The following LRRC49 variants were observed in gnomAD, a reference collection of about 807,000 sequenced individuals.
LRRC49 encodes leucine rich repeat containing 49, also known as leucine-rich repeat-containing protein 49.
LRRC49 carries 50 observed loss-of-function variants against 83.3 expected under a neutral mutation model. That is an observed-to-expected ratio of 0.60 (90% CI 0.48 to 0.76). LRRC49 has a LOEUF of 0.76. Ranked by LOEUF, LRRC49 falls within the 30% of genes least tolerant of loss-of-function variation. The pLI is 0.00. For synonymous variants in LRRC49, 286 were observed against 283.3 expected (o/e 1.01, Z -0.10); for missense variants, 704 against 809.1 (o/e 0.87, Z 1.58).
At position 71,052,624 on chromosome 15, in the gene LRRC49, A is replaced by C. The variant is rs1016272306; in HGVS notation, c.*3012A>C. The C allele has an allele frequency of 6.6e-6, 1 of 152,212 alleles. No individual in the cohort carries two copies. The highest frequency in any genetic ancestry group is 1.5e-5 in the Non-Finnish European group (1 of 68,036). The allele number at this position is 152,212 out of a possible 1,614,324, so 9.4% of individuals were successfully genotyped here. A position where few individuals can be genotyped will look rare whatever the true frequency, so the allele number is the denominator to read the frequency against. Reference sequence around the variant, plus strand: ...CTCTTCAATGAGTAATCATCATAACAACAAAGATTCATTGAGCAATGTCTT... The same window carrying C: ...CTCTTCAATGAGTAATCATCATAACCACAAAGATTCATTGAGCAATGTCTT... On this transcript the variant is annotated 3_prime_UTR_variant, in exon 16 of 16. Coordinates refer to ENST00000260382, the MANE Select transcript of LRRC49 (RefSeq NM_017691.5).
intron 11 of LRRC49, among the ~76,000 whole-genome samples, chr15:70,997,837 C>T (rs1410768830): frequency 6.6e-6 from 1 of 152,216 alleles, no homozygotes; most frequent in Non-Finnish European, 1.5e-5. Context: ...GGACACACAT[C>T]TACCATTTTG....
intron 1 of LRRC49, among the ~76,000 whole-genome samples, chr15:70,868,714 C>A (rs948109779): frequency 6.6e-6 from 1 of 152,166 alleles, no homozygotes; most frequent in African/African-American, 2.4e-5. Context: ...TGGGTCACCC[C>A]AAATGTGGAA....
chr15:70,959,687 A>C (rs2036539405), intron 8 of LRRC49, among the ~76,000 whole-genome samples: 1 of 152,090 alleles, frequency 6.6e-6, no homozygotes, highest in Admixed American at 6.5e-5. Flanking sequence ...GGCCAGAAAG[A>C]AAGAAAATCC....
chr15:70,929,886 A>T (rs1419289162), intron 7 of LRRC49, among the ~76,000 whole-genome samples: 1 of 152,200 alleles, frequency 6.6e-6, no homozygotes. Flanking sequence ...TCACATCTTT[A>T]GGCTCCACTT....
chr15:70,857,594 A>G (rs2032683990), intron 1 of LRRC49, among the ~76,000 whole-genome samples: 1 of 152,192 alleles, frequency 6.6e-6, no homozygotes, highest in South Asian at 2.1e-4. Context: ...AAATACCAGG[A>G]CCTGTGCTAT....
intron 9 of LRRC49, among the ~76,000 whole-genome samples, chr15:70,972,188 A>T (rs556702326): frequency 9.3e-4 from 141 of 152,294 alleles, no homozygotes; most frequent in African/African-American, 3.3e-3. Context: ...GGTGGTGACA[A>T]AATACCTCAG....
At chr15:70,854,007 C>G (rs1272889214) in intron 1 of LRRC49, 1 of 1,459,426 alleles carries the variant, frequency 6.9e-7, no homozygotes, top group Admixed American at 2.4e-5. Flanking sequence ...AACTCGTCCA[C>G]GTCCTCGGCC....
At chr15:70,936,966 G>A in intron 8 of LRRC49, 144 bp downstream of exon 8, 2 of 594,414 alleles carry the variant, frequency 3.4e-6, no homozygotes, top group South Asian at 2.4e-5. Context: ...AGTTCTTTGT[G>A]GAAAAGCAAA....
At chr15:70,892,468 C>T (rs1365216571), upstream of LRRC49, 6 of 1,526,138 alleles carry the variant, frequency 3.9e-6, no homozygotes, top group East Asian at 9.9e-5. Flanking sequence ...TGATATCTTC[C>T]TCCTCCTCCT....
intron 2 of LRRC49, chr15:70,882,769 C>A: frequency 6.2e-7 from 1 of 1,614,114 alleles, no homozygotes; most frequent in Non-Finnish European, 8.5e-7. Context: ...ACCCACACTA[C>A]GGTGACGGGG....
intron 9 of LRRC49, among the ~76,000 whole-genome samples, chr15:70,969,450 G>A (rs1223350807): frequency 6.6e-6 from 1 of 152,142 alleles, no homozygotes; most frequent in Non-Finnish European, 1.5e-5. Flanking sequence ...TCTTAGGATT[G>A]TCTTGGCTAT....
intron 6 of LRRC49, 146 bp downstream of exon 6, chr15:70,911,744 T>C (rs564633536): frequency 1.8e-5 from 10 of 557,336 alleles, no homozygotes; most frequent in African/African-American, 1.7e-4. Context: ...AGCTTATTTA[T>C]AGAAGATTTG....
chr15:71,015,989 A>G (rs994668552), intron 14 of LRRC49, among the ~76,000 whole-genome samples: 1 of 152,180 alleles, frequency 6.6e-6, no homozygotes. Flanking sequence ...CAGAAAATAA[A>G]AATATAAGGT....
chr15:70,989,670 G>C (rs572526297), intron 11 of LRRC49, among the ~76,000 whole-genome samples: 7 of 152,300 alleles, frequency 4.6e-5, no homozygotes, highest in African/African-American at 1.7e-4. Context: ...TCCATTGCTG[G>C]TGAGGAGCTG....
intron 11 of LRRC49, among the ~76,000 whole-genome samples, chr15:70,993,471 C>A (rs1306429428): frequency 6.6e-6 from 1 of 152,222 alleles, no homozygotes; most frequent in Non-Finnish European, 1.5e-5. Flanking sequence ...CTTCTGCACT[C>A]ACGCTGGGAG....
chr15:70,934,753 T>A (rs936176207), intron 7 of LRRC49, among the ~76,000 whole-genome samples: 1 of 152,206 alleles, frequency 6.6e-6, no homozygotes, highest in Non-Finnish European at 1.5e-5. Flanking sequence ...TTAAATGAGA[T>A]GCCTTGATTC....
intron 1 of LRRC49, among the ~76,000 whole-genome samples, chr15:70,869,243 G>A (rs145638075): frequency 1.2e-4 from 18 of 152,144 alleles, no homozygotes; most frequent in African/African-American, 3.6e-4. Context: ...ATCAACTAAG[G>A]AAACACACTG....
chr15:70,897,820 C>A (rs980700004), intron 3 of LRRC49, among the ~76,000 whole-genome samples: 1 of 152,148 alleles, frequency 6.6e-6, no homozygotes, highest in African/African-American at 2.4e-5. Flanking sequence ...TAAGAGTTAA[C>A]CCCTGTCTTT....
chr15:70,992,540 G>A (rs1449356995), intron 11 of LRRC49, among the ~76,000 whole-genome samples: 1 of 152,214 alleles, frequency 6.6e-6, no homozygotes, highest in Non-Finnish European at 1.5e-5. Flanking sequence ...AGGACCCTCA[G>A]CTGTAGGTCT....
Sources: gnomAD v4.1 joint callset for allele counts (sites outside exome capture counted in the v4.1 genomes callset) on GRCh38, gnomAD v4.1.1 for gene constraint, MANE v1.5 for transcripts, NCBI Gene and HGNC (gene_info 2026-07-23, HGNC 2026-07-21) for gene names.